Variants in CTNS observed in about 807,000 individuals in gnomAD.
CTNS encodes cystinosin.
In CTNS, 27 loss-of-function variants were observed where a neutral mutation model predicts 43.7. That is an observed-to-expected ratio of 0.62 (90% CI 0.46 to 0.85). CTNS has a LOEUF of 0.85. CTNS is among the 40% of genes least tolerant of loss of function. The pLI is 0.00. For synonymous variants in CTNS, 187 were observed against 190.6 expected (o/e 0.98, Z 0.16); for missense variants, 457 against 475.4 (o/e 0.96, Z 0.36).
At chr17:3,646,012 G>A (rs2075834644) in intron 3 of CTNS, among the ~76,000 whole-genome samples, 3 of 152,108 alleles carry the variant, frequency 2.0e-5, no homozygotes, top group South Asian at 4.1e-4. Context: ...TCGGGGAACC[G>A]GGCATGCTGG....
chr17:3,657,898 C>G, intron 9 of CTNS, 107 bp from the exon 10 acceptor site: 1 of 1,314,294 alleles, frequency 7.6e-7, no homozygotes, highest in East Asian at 2.3e-5. Context: ...AGGCCAGGGT[C>G]CAGCCTCCGT....
intron 5 of CTNS, chr17:3,650,146 T>C (rs750266138): frequency 7.7e-6 from 12 of 1,548,950 alleles, no homozygotes; most frequent in Non-Finnish European, 9.6e-6. Context: ...ATATACACTT[T>C]TTATTTGTCA....
intron 3 of CTNS, among the ~76,000 whole-genome samples, chr17:3,645,898 C>T (rs1004959837): frequency 6.7e-6 from 1 of 149,778 alleles, no homozygotes; most frequent in African/African-American, 2.5e-5. Context: ...CCAACCCAAG[C>T]GTCTAAAATT....
intron 2 of CTNS, among the ~76,000 whole-genome samples, chr17:3,638,657 T>C (rs1048439816): frequency 1.8e-4 from 27 of 152,236 alleles, no homozygotes; most frequent in African/African-American, 6.5e-4. Flanking sequence ...TGACCAAGTC[T>C]GTGAGTTTGA....
At chr17:3,641,673 G>C (rs973398150) in intron 3 of CTNS, among the ~76,000 whole-genome samples, 1 of 151,942 alleles carries the variant, frequency 6.6e-6, no homozygotes, top group African/African-American at 2.4e-5. Context: ...TTACAGGCAT[G>C]AGCCACCGTG....
At chr17:3,641,883 T>C (rs1454172811) in intron 3 of CTNS, among the ~76,000 whole-genome samples, 1 of 152,142 alleles carries the variant, frequency 6.6e-6, no homozygotes, top group African/African-American at 2.4e-5. Flanking sequence ...GGATAAGCAA[T>C]TTCCGGGAAA....
chr17:3,658,239 C>A, intron 10 of CTNS, 64 bp downstream of exon 10: 1 of 1,595,140 alleles, frequency 6.3e-7, no homozygotes, highest in South Asian at 1.1e-5. Context: ...TGGCCCAGGC[C>A]CTGCTCCGGT....
chr17:3,660,535 G>A lies in CTNS; in HGVS notation c.*166G>A. On this transcript the variant is annotated 3_prime_UTR_variant, in exon 12 of 12. Coordinates refer to ENST00000046640, the MANE Select transcript of CTNS (RefSeq NM_004937.3). ...GGGGCCAGAGGCCATTCAATAGCCT[G>A]CCTTCGTCCGGGCCCCTCCTGGGCC... 1 of 1,612,594 alleles carries A rather than the reference G, an allele frequency of 6.2e-7. No individual in the cohort carries two copies. Among genetic ancestry groups the A allele is most frequent in the Non-Finnish European group, 8.5e-7 (1 of 1,179,980 alleles).
rs956882439 is a variant in CTNS, at chr17:3,637,254, T to G, written c.-82T>G. 1.2e-4 allele frequency: 19 copies of G among 152,308 alleles called. No homozygotes were observed. The highest frequency in any genetic ancestry group is 4.1e-4 in the African/African-American group (17 of 41,564). 9.4% of individuals were successfully genotyped at this position (152,308 alleles called of 1,614,324 possible). A position where few individuals can be genotyped will look rare whatever the true frequency, so the allele number is the denominator to read the frequency against. ...AGGGAGGACTCCTGAGCTCTGCCTCTTCCAGTAACATTGAGGATTACTGTG... is the reference window on the plus strand; with the variant it reads ...AGGGAGGACTCCTGAGCTCTGCCTCGTCCAGTAACATTGAGGATTACTGTG... On this transcript the variant is annotated 5_prime_UTR_variant, in exon 2 of 12. Coordinates refer to ENST00000046640, the MANE Select transcript of CTNS (RefSeq NM_004937.3).
intron 2 of CTNS, among the ~76,000 whole-genome samples, chr17:3,639,059 C>A (rs1172331487): frequency 6.6e-6 from 1 of 152,076 alleles, no homozygotes; most frequent in Non-Finnish European, 1.5e-5. Context: ...AGGGAGATGT[C>A]CGGAGATGCT....
Position 3,660,912 on chromosome 17 carries a change from ACT to A in CTNS, c.*545_*546del. On this transcript the variant is annotated 3_prime_UTR_variant, in exon 12 of 12. Transcript: ENST00000046640. ...TTTCCTGACGTACTCTCTGTACATA[ACT>A]CAGCGTCCGTGACTGCAGTAACAGC... The A allele has an allele frequency of 2.1e-6, 2 of 938,562 alleles. No homozygotes were observed. Among genetic ancestry groups the A allele is most frequent in the Non-Finnish European group, 3.2e-6 (2 of 617,078 alleles). 58.1% of individuals were successfully genotyped at this position (938,562 alleles called of 1,614,324 possible).
intron 5 of CTNS, among the ~76,000 whole-genome samples, chr17:3,652,517 G>A (rs557485295): frequency 4.6e-4 from 70 of 151,872 alleles, no homozygotes; most frequent in Non-Finnish European, 8.2e-4. Context: ...ACTTGAACCC[G>A]GGAGGCAGAG....
chr17:3,657,259 G>A (rs1388303146), intron 9 of CTNS, among the ~76,000 whole-genome samples: 1 of 152,204 alleles, frequency 6.6e-6, no homozygotes, highest in African/African-American at 2.4e-5. Flanking sequence ...GAGGGACCCT[G>A]AGCAGGCGGG....
chr17:3,659,779 GA>G (rs2076242126), intron 10 of CTNS, 78 bp from the exon 11 acceptor site: 1 of 1,004,604 alleles, frequency 1.0e-6, no homozygotes, highest in Admixed American at 1.7e-5. Context: ...CTTTTGTTTG[GA>G]GGGGCAGTCA....
chr17:3,652,994 G>A (rs1250899093), intron 5 of CTNS, among the ~76,000 whole-genome samples: 1 of 152,146 alleles, frequency 6.6e-6, no homozygotes, highest in Admixed American at 6.5e-5. Context: ...GGATGTGGTA[G>A]AGCGCCTGTA....
chr17:3,660,024 C>A, intron 11 of CTNS, 49 bp downstream of exon 11: 1 of 1,524,810 alleles, frequency 6.6e-7, no homozygotes, highest in Non-Finnish European at 9.1e-7. Flanking sequence ...GGGCATCGGG[C>A]GGGGCCAGCC....
At chr17:3,637,756 C>G (rs372035288) in intron 2 of CTNS, among the ~76,000 whole-genome samples, 1 of 152,126 alleles carries the variant, frequency 6.6e-6, no homozygotes, top group South Asian at 2.1e-4. Context: ...CGTGAGCCAC[C>G]GCGCCCAGCC....
chr17:3,649,538 G>C (rs1041462834), intron 5 of CTNS, among the ~76,000 whole-genome samples: 4 of 151,824 alleles, frequency 2.6e-5, no homozygotes, highest in African/African-American at 9.7e-5. Context: ...GGCTTCCTTA[G>C]GAACACAGCA....
chr17:3,661,809 A>G lies in CTNS; in HGVS notation c.*1440A>G, dbSNP rs161398. On this transcript the variant is annotated 3_prime_UTR_variant, in exon 12 of 12. Coordinates refer to ENST00000046640, the MANE Select transcript of CTNS (RefSeq NM_004937.3). ...TGAGCCGGGGTGGATGAGGTTCTGA[A>G]GGGCACACCAGCACTGGGAGCGGGG... is the stretch of plus-strand genomic sequence containing the variant. 0.68 allele frequency among the ~76,000 whole-genome samples: 103,037 copies of G among 152,022 alleles called. 35,130 individuals are homozygous for G. The highest frequency in any genetic ancestry group is 0.83 in the East Asian group (4,266 of 5,162).
Sources: allele counts gnomAD v4.1 joint callset (sites outside exome capture counted in the v4.1 genomes callset), GRCh38; gene constraint gnomAD v4.1.1; transcripts MANE v1.5; gene names NCBI Gene and HGNC (gene_info 2026-07-23, HGNC 2026-07-21).